The following CYTH1 variants were observed in gnomAD, a reference collection of about 807,000 sequenced individuals.
CYTH1 encodes cytohesin 1.
A neutral mutation model predicts 61.8 loss-of-function variants in CYTH1; 18 were observed. The ratio of observed to expected loss-of-function variants is 0.29; its 90% CI spans 0.20 to 0.43. The LOEUF is 0.43. Among genes scored for constraint, CYTH1 ranks in the 20% least tolerant of loss-of-function variants. The pLI is 1.00. For synonymous variants in CYTH1, 174 were observed against 184.3 expected, an observed-to-expected ratio of 0.94 and a Z score of 0.45; for missense variants, 336 against 510.5, an observed-to-expected ratio of 0.66 and a Z score of 3.29.
At chr17:78,781,264 A>G (rs1362940661) in intron 1 of CYTH1, among the ~76,000 whole-genome samples, 1 of 152,052 alleles carries the variant, frequency 6.6e-6, no homozygotes, top group Non-Finnish European at 1.5e-5. Flanking sequence ...GTACTTTGCT[A>G]CCAAACCACA....
intron 11 of CYTH1, among the ~76,000 whole-genome samples, chr17:78,684,156 C>T (rs2092792187): frequency 6.6e-6 from 1 of 152,194 alleles, no homozygotes; most frequent in African/African-American, 2.4e-5. Context: ...GGTATCCTTC[C>T]TGGCCCCCCC....
rs374771102 is a variant in CYTH1 at position 78,764,453 on chromosome 17, G to A, written c.22+17749C>T. 4.3e-4 allele frequency among the ~76,000 whole-genome samples: 66 copies of A among 152,000 alleles called. No homozygotes were observed. The Middle Eastern group carries it at 0.014, about 31-fold the overall frequency. ...TAGGGTTACAGATGTGAGCCACCGCGCCCGGCCTAAATGTCCCTTTTTCAA... is the reference window on the plus strand; with the variant it reads ...TAGGGTTACAGATGTGAGCCACCGCACCCGGCCTAAATGTCCCTTTTTCAA... On this transcript the variant is annotated intron_variant, in intron 1 of 13. Coordinates refer to ENST00000446868, the MANE Select transcript of CYTH1 (RefSeq NM_004762.6).
intron 1 of CYTH1, among the ~76,000 whole-genome samples, chr17:78,719,056 T>G (rs1266414818): frequency 2.6e-5 from 4 of 152,156 alleles, no homozygotes; most frequent in Admixed American, 6.5e-5. Context: ...ACTTCAGGTG[T>G]GCATGTTAAC....
At chr17:78,760,235 C>T (rs1286711998) in intron 1 of CYTH1, among the ~76,000 whole-genome samples, 3 of 150,778 alleles carry the variant, frequency 2.0e-5, no homozygotes, top group African/African-American at 7.3e-5. Flanking sequence ...CCATGTGGAA[C>T]GGAAAATACA....
At chr17:78,745,523 T>C (rs1030144624) in intron 1 of CYTH1, among the ~76,000 whole-genome samples, 4 of 152,198 alleles carry the variant, frequency 2.6e-5, no homozygotes, top group Admixed American at 2.6e-4. Context: ...CTGAATGTCA[T>C]AAATTCCATC....
At position 78,698,854 on chromosome 17, in the gene CYTH1, T is replaced by C. The variant is rs369357942; in HGVS notation, c.665A>G (p.Asn222Ser). Residue 222 changes from asparagine to serine, a missense_variant, in exon 8 of 14, where the codon AAT (asparagine) becomes AGT (serine). This residue lies in a region of CYTH1 where 125 missense variants were observed against 209.9 expected (regional missense o/e 0.60). Coordinates refer to ENST00000446868, the MANE Select transcript of CYTH1 (RefSeq NM_004762.6). ...CTCCTCCGGCAGGTCTCCCCCATCA[T>C]TGATGCCTCGGTTCATGGCAATGAA... ...ERFIAMNRGI[N>S]DGGDLPEELL... 47 of 1,597,952 alleles carry C rather than the reference T, an allele frequency of 2.9e-5. No individual in the cohort carries two copies. The highest frequency in any genetic ancestry group is 1.7e-4 in the Middle Eastern group (1 of 6,034).
chr17:78,674,139 A>G lies in CYTH1; in HGVS notation c.*1952T>C, dbSNP rs568195951. 2 of 152,800 alleles carry G rather than the reference A, an allele frequency of 1.3e-5. No homozygotes were observed. The highest frequency in any genetic ancestry group is 3.9e-4 in the East Asian group (2 of 5,190). The allele number at this position is 152,800 out of a possible 1,614,324, so 9.5% of individuals were successfully genotyped here. Reference sequence around the variant, plus strand: ...ACAAACAAAAACAATTAGAATAATTATTTCTTAAAAACCCTGTCAACAACT... The same window carrying G: ...ACAAACAAAAACAATTAGAATAATTGTTTCTTAAAAACCCTGTCAACAACT... On this transcript the variant is annotated 3_prime_UTR_variant, in exon 14 of 14. Coordinates refer to ENST00000446868, the MANE Select transcript of CYTH1 (RefSeq NM_004762.6).
rs1236096998 is a variant in CYTH1 at position 78,760,483 on chromosome 17, A to G, written c.22+21719T>C. On this transcript the variant is annotated intron_variant, in intron 1 of 13. Transcript: ENST00000446868. ...TACATATATATATGTATATATATGTATGTATATATATATACATATATATGT... is the reference window on the plus strand; with the variant it reads ...TACATATATATATGTATATATATGTGTGTATATATATATACATATATATGT... Among the ~76,000 whole-genome samples the G allele has an allele frequency of 6.1e-5, 3 of 48,790 alleles. 1 individual carries two copies. The highest frequency in any genetic ancestry group is 1.1e-4 in the Non-Finnish European group (3 of 26,184). 32.0% of individuals were successfully genotyped at this position (48,790 alleles called of 152,430 possible).
chr17:78,745,423 A>G (rs1449545327), intron 1 of CYTH1, among the ~76,000 whole-genome samples: 1 of 152,230 alleles, frequency 6.6e-6, no homozygotes, highest in Non-Finnish European at 1.5e-5. Context: ...AAGAATAAGA[A>G]GAAACCTGAA....
intron 1 of CYTH1, among the ~76,000 whole-genome samples, chr17:78,766,620 G>GT: frequency 6.6e-6 from 1 of 152,284 alleles, no homozygotes; most frequent in Non-Finnish European, 1.5e-5. Flanking sequence ...CAATGTAAAT[G>GT]TGTTTAATAA....
chr17:78,707,682 A>AT (rs140347768), intron 3 of CYTH1, among the ~76,000 whole-genome samples: 4,256 of 141,826 alleles, frequency 0.03, 58 homozygotes, highest in Middle Eastern at 0.05. Context: ...CTCCAGTTCA[A>AT]TTTTTTTTTT....
chr17:78,736,333 G>A (rs1006019457), intron 1 of CYTH1, among the ~76,000 whole-genome samples: 2 of 152,072 alleles, frequency 1.3e-5, no homozygotes, highest in East Asian at 1.9e-4. Context: ...GAACTCTAAC[G>A]AAAGCAAAGA....
intron 1 of CYTH1, among the ~76,000 whole-genome samples, chr17:78,718,901 A>G (rs2093205235): frequency 6.6e-6 from 1 of 152,212 alleles, no homozygotes; most frequent in Non-Finnish European, 1.5e-5. Flanking sequence ...GCTTCTTTCT[A>G]ACAATGTCAT....
chr17:78,716,113 T>C (rs1040041627), intron 1 of CYTH1, among the ~76,000 whole-genome samples: 1 of 151,752 alleles, frequency 6.6e-6, no homozygotes, highest in African/African-American at 2.4e-5. Flanking sequence ...AGGAAGAGAA[T>C]GGTGTGAGCT....
At chr17:78,683,742 G>C (rs1419090888) in intron 11 of CYTH1, among the ~76,000 whole-genome samples, 1 of 152,236 alleles carries the variant, frequency 6.6e-6, no homozygotes, top group East Asian at 1.9e-4. Flanking sequence ...GGTGGGGACA[G>C]GCCCTCAGGG....
At chr17:78,772,604 C>G (rs1029147060) in intron 1 of CYTH1, among the ~76,000 whole-genome samples, 40 of 152,180 alleles carry the variant, frequency 2.6e-4, no homozygotes, top group Non-Finnish European at 4.7e-4. Context: ...GTGGCGCGAT[C>G]TCGGCTCACT....
At chr17:78,724,022 T>TACTC (rs2093251922) in intron 1 of CYTH1, 1 of 152,264 alleles carries the variant, frequency 6.6e-6, no homozygotes, top group Non-Finnish European at 1.5e-5. Flanking sequence ...ACTCGCCTCC[T>TACTC]ACTCAGTACA....
Position 78,757,380 on chromosome 17 carries a change from C to T in CYTH1, c.22+24822G>A, listed in dbSNP as rs548512523. Among the ~76,000 whole-genome samples the T allele has an allele frequency of 6.6e-4, 101 of 152,202 alleles. 1 individual carries two copies. Among genetic ancestry groups the T allele is most frequent in the Admixed American group, 1.6e-3 (24 of 15,276 alleles). The stretch of plus-strand genomic sequence containing the variant: ...GTCTTGGTTAGAGGTCAAAGTTCTC[C>T]TTCTAATTAGAATGTAAGGTACCTG... On this transcript the variant is annotated intron_variant, in intron 1 of 13. Transcript: ENST00000446868.
At chr17:78,707,834 C>G (rs1439979229) in intron 3 of CYTH1, among the ~76,000 whole-genome samples, 1 of 152,170 alleles carries the variant, frequency 6.6e-6, no homozygotes, top group Non-Finnish European at 1.5e-5. Context: ...GTGTGCACCA[C>G]CACACCCGTC....
Sources: allele counts gnomAD v4.1 joint callset (sites outside exome capture counted in the v4.1 genomes callset), GRCh38; gene constraint gnomAD v4.1.1; regional missense constraint gnomAD v4.1.1; transcripts MANE v1.5; gene names NCBI Gene and HGNC (gene_info 2026-07-23, HGNC 2026-07-21).